The following RAVER2 variants were observed in gnomAD, a reference collection of about 807,000 sequenced individuals.
RAVER2 encodes ribonucleoprotein, PTB binding 2.
In RAVER2, 46 loss-of-function variants were observed where a neutral mutation model predicts 78.1. That is an observed-to-expected ratio of 0.59 (90% CI 0.46 to 0.75). The LOEUF is 0.75. RAVER2 is among the 30% of genes least tolerant of loss of function. The pLI is 0.00. For synonymous variants in RAVER2, 311 were observed against 313.3 expected, an observed-to-expected ratio of 0.99 and a Z score of 0.08; for missense variants, 793 against 837.5, an observed-to-expected ratio of 0.95 and a Z score of 0.66.
intron 8 of RAVER2, among the ~76,000 whole-genome samples, chr1:64,805,745 A>T (rs561031311): frequency 4.1e-4 from 63 of 152,168 alleles, no homozygotes; most frequent in African/African-American, 6.3e-4. Flanking sequence ...CCAATAATTT[A>T]AAAAAAAGTC....
chr1:64,801,928 G>C lies in RAVER2; in HGVS notation c.1106-1048G>C, dbSNP rs1653279367. ...AGGCAGAACAGTGGCATGGGCCACTGGTTGCCCATTTTTATGGTTATTTCT... is the reference window on the plus strand; with the variant it reads ...AGGCAGAACAGTGGCATGGGCCACTCGTTGCCCATTTTTATGGTTATTTCT... On this transcript the variant is annotated intron_variant, in intron 5 of 11. Coordinates refer to ENST00000294428, the Ensembl canonical transcript of RAVER2. Among the ~76,000 whole-genome samples the C allele has an allele frequency of 2.0e-5, 3 of 152,230 alleles. No individual in the cohort carries two copies. The South Asian group carries it at 6.2e-4, about 31-fold the overall frequency.
intron 4 of RAVER2, among the ~76,000 whole-genome samples, chr1:64,788,580 C>T (rs896488236): frequency 1.3e-5 from 2 of 151,636 alleles, no homozygotes; most frequent in African/African-American, 2.4e-5. Flanking sequence ...ATCACAAGGT[C>T]AGGAGATTGA....
intron 4 of RAVER2, among the ~76,000 whole-genome samples, chr1:64,786,742 G>A (rs911322254): frequency 2.6e-5 from 4 of 151,520 alleles, no homozygotes; most frequent in Non-Finnish European, 4.4e-5. Context: ...GCAGTGAACC[G>A]AGATCACACC....
chr1:64,794,222 C>G (rs1018339108), intron 5 of RAVER2, among the ~76,000 whole-genome samples: 2 of 151,852 alleles, frequency 1.3e-5, no homozygotes, highest in Non-Finnish European at 2.9e-5. Context: ...CACGGTGAAA[C>G]CCCGTTTCTA....
Position 64,807,445 on chromosome 1 carries a change from C to T in RAVER2, c.1651C>T (p.Gln551Ter), listed in dbSNP as rs898524868. Residue 551 changes from glutamine (Q) to a stop codon, truncating the protein, a stop_gained, in exon 9 of 12, where the codon CAG becomes TAG. Transcript: ENST00000294428. LOFTEE classifies it high-confidence loss of function. ...GGGACACCATAAGCAGCAGCAAAGC[C>T]AGCCAAAAGGCACAGAGATAAGTTC... The T allele has an allele frequency of 4.3e-6, 7 of 1,613,922 alleles. No individual in the cohort carries two copies. The highest frequency in any genetic ancestry group is 2.2e-5 in the East Asian group (1 of 44,896).
chr1:64,760,752 G>A (rs1267584878), intron 1 of RAVER2, among the ~76,000 whole-genome samples: 1 of 152,188 alleles, frequency 6.6e-6, no homozygotes, highest in East Asian at 1.9e-4. Context: ...TACCTCCAAG[G>A]AATTTGCATG....
intron 5 of RAVER2, among the ~76,000 whole-genome samples, chr1:64,791,569 C>T (rs924415648): frequency 6.6e-5 from 10 of 152,214 alleles, no homozygotes; most frequent in Admixed American, 5.2e-4. Flanking sequence ...CAACAATATT[C>T]ATATTCAGTA....
At position 64,814,635 on chromosome 1, in the gene RAVER2, ATAACC is replaced by A. The variant is rs934994321; in HGVS notation, c.1793-65_1793-61del. On this transcript the variant is annotated intron_variant, in intron 10 of 11. Coordinates refer to ENST00000294428, the Ensembl canonical transcript of RAVER2. ...CTTATAATAAAATAATTTATTTAAA[ATAACC>A]TAAATAAAATAAATTTATAATAAAA... is the stretch of plus-strand genomic sequence containing the variant. 12 of 828,892 alleles carry A rather than the reference ATAACC, an allele frequency of 1.4e-5. No homozygotes were observed. The African/African-American group carries it at 1.6e-4, about 11-fold the overall frequency. 51.3% of individuals were successfully genotyped at this position (828,892 alleles called of 1,614,324 possible).
chr1:64,833,139 C>T (rs1226938835), exon 12 of RAVER2: 5 of 184,702 alleles, frequency 2.7e-5, no homozygotes, highest in Admixed American at 2.5e-4. Flanking sequence ...CCCCTTCCTC[C>T]CCCCAAAACT....
chr1:64,827,469 G>A (rs568695340), intron 11 of RAVER2, among the ~76,000 whole-genome samples: 173 of 152,256 alleles, frequency 1.1e-3, no homozygotes, highest in Non-Finnish European at 2.1e-3. Context: ...GAACCACTGG[G>A]TGCAAACTAT....
In RAVER2 at chr1:64,745,117, C is replaced by A; in HGVS notation, c.-56C>A. The A allele has an allele frequency of 9.8e-7, 1 of 1,017,680 alleles. No homozygotes were observed. The highest frequency in any genetic ancestry group is 4.5e-5 in the South Asian group (1 of 22,378). The allele number at this position is 1,017,680 out of a possible 1,614,324, so 63.0% of individuals were successfully genotyped here. On this transcript the variant is annotated 5_prime_UTR_variant, in exon 1 of 12. Coordinates refer to ENST00000294428, the Ensembl canonical transcript of RAVER2. This position sits in a 1 kb window ranked among gnomAD's most constrained non-coding sequence, Gnocchi z 4.3. ...TCGCCCGGGCCTCCTCCCGCTTTCT[C>A]TCTCCGCTTCCCCTGGAGCCTCCGA...
At chr1:64,813,716 G>A (rs7524647) in intron 10 of RAVER2, among the ~76,000 whole-genome samples, 3,324 of 151,626 alleles carry the variant, frequency 0.022, 149 homozygotes, top group African/African-American at 0.077. Context: ...AAATGTAAAG[G>A]CACTTCTAGT....
rs374089853 is a variant in RAVER2, at chr1:64,812,693, G to A, written c.1681-45G>A. ...TTCTCTATTCTTTATTTTTATTTTC[G>A]TGTACCTCTCATTAAGTACTCCCTC... is the stretch of plus-strand genomic sequence containing the variant. On this transcript the variant is annotated intron_variant, in intron 9 of 11. Coordinates refer to ENST00000294428, the Ensembl canonical transcript of RAVER2. 118 of 1,253,742 alleles carry A rather than the reference G, an allele frequency of 9.4e-5. 1 individual carries two copies. Among genetic ancestry groups the A allele is most frequent in the African/African-American group, 1.7e-4 (11 of 65,376 alleles). The allele number at this position is 1,253,742 out of a possible 1,614,324, so 77.7% of individuals were successfully genotyped here. A position where few individuals can be genotyped will look rare whatever the true frequency, so the allele number is the denominator to read the frequency against.
At chr1:64,819,470 AT>A (rs1653832961) in intron 11 of RAVER2, among the ~76,000 whole-genome samples, 1 of 152,202 alleles carries the variant, frequency 6.6e-6, no homozygotes, top group Non-Finnish European at 1.5e-5. Context: ...CACAATGAAC[AT>A]ATCCTCAGGG....
intron 2 of RAVER2, 142 bp downstream of exon 2, chr1:64,768,864 T>G (rs1652243896): frequency 5.3e-6 from 3 of 568,126 alleles, no homozygotes; most frequent in Non-Finnish European, 9.4e-6. Flanking sequence ...ACCCACACTG[T>G]CTATTTTCTG....
chr1:64,832,369 A>ATCT (rs1208206464), exon 12 of RAVER2: 6 of 152,710 alleles, frequency 3.9e-5, no homozygotes, highest in African/African-American at 1.4e-4. Flanking sequence ...AAGAAGTTTT[A>ATCT]TCTTTATGGA....
At chr1:64,822,531 A>C (rs942296329) in intron 11 of RAVER2, among the ~76,000 whole-genome samples, 5 of 152,208 alleles carry the variant, frequency 3.3e-5, no homozygotes, top group Non-Finnish European at 5.9e-5. Context: ...AAAATGAACC[A>C]TAGCAATGTA....
chr1:64,762,730 A>G (rs1027137740), intron 1 of RAVER2, among the ~76,000 whole-genome samples: 1 of 152,346 alleles, frequency 6.6e-6, no homozygotes, highest in South Asian at 2.1e-4. Context: ...GAAATATTCT[A>G]TTAAGATGGC....
At chr1:64,817,494 G>C (rs1653782648) in intron 11 of RAVER2, among the ~76,000 whole-genome samples, 1 of 152,056 alleles carries the variant, frequency 6.6e-6, no homozygotes, top group Non-Finnish European at 1.5e-5. Flanking sequence ...CAAAGACTTG[G>C]AACCAACCCA....
Sources: allele counts gnomAD v4.1 joint callset (sites outside exome capture counted in the v4.1 genomes callset), GRCh38; gene constraint gnomAD v4.1.1; non-coding constraint Gnocchi (gnomAD v3.1); transcripts MANE v1.5; gene names NCBI Gene and HGNC (gene_info 2026-07-23, HGNC 2026-07-21).